COPE: variants seen among roughly 807,000 people sequenced by gnomAD.
COPE encodes the protein coatomer subunit epsilon.
In COPE, 19 loss-of-function variants were observed where a neutral mutation model predicts 42.1. The ratio of observed to expected loss-of-function variants is 0.45; its 90% CI spans 0.31 to 0.66. COPE has a LOEUF of 0.66. Among genes scored for constraint, COPE ranks in the 30% least tolerant of loss-of-function variants. COPE has a pLI of 0.05. For missense variants in COPE, 402 were observed against 416.1 expected (o/e 0.97, Z 0.30); for synonymous variants, 195 against 181.3 (o/e 1.08, Z -0.60).
intron 2 of COPE, among the ~76,000 whole-genome samples, chr19:18,911,638 A>G (rs370066451): frequency 1.6e-4 from 24 of 146,364 alleles, no homozygotes; most frequent in African/African-American, 6.1e-4. Context: ...TGCAAGCTCC[A>G]CCTCCCAGGT....
At position 18,919,229 on chromosome 19, in the gene COPE, C is replaced by A. The variant is rs1347652764; in HGVS notation, c.120G>T (p.Arg40=). Residue 40 remains arginine (R), a synonymous_variant, in exon 1 of 10, where the codon CGG becomes CGT. Coordinates refer to ENST00000262812, the MANE Select transcript of COPE (RefSeq NM_007263.4). The part of the protein sequence containing the change: ...SYQQCINEAQ[R]VKLSSPERDV... ...CGCCCCTGCGCGGCCGCACCTTCACCCGCTGCGCCTCGTTTATGCACTGCT... is the reference window on the plus strand; with the variant it reads ...CGCCCCTGCGCGGCCGCACCTTCACACGCTGCGCCTCGTTTATGCACTGCT... The A allele has an allele frequency of 6.2e-7, 1 of 1,611,866 alleles. No individual in the cohort carries two copies.
At position 18,916,743 on chromosome 19, in the gene COPE, G is replaced by A. The variant is rs183282997; in HGVS notation, c.126+2480C>T. 6.1e-4 allele frequency among the ~76,000 whole-genome samples: 92 copies of A among 151,026 alleles called. No homozygotes were observed. The East Asian group carries it at 0.012, about 20-fold the overall frequency. On this transcript the variant is annotated intron_variant, in intron 1 of 9. Coordinates refer to ENST00000262812, the MANE Select transcript of COPE (RefSeq NM_007263.4). ...GCAGAGGTTGTGGTGAGCTGAGATC[G>A]TGCCACTGCACTCCAGCCTGGGCAA...
At chr19:18,918,364 T>C (rs548063154) in intron 1 of COPE, among the ~76,000 whole-genome samples, 3 of 152,302 alleles carry the variant, frequency 2.0e-5, no homozygotes, top group African/African-American at 4.8e-5. Context: ...AGTGTTACTC[T>C]GACCCAACTC....
rs10164368 is a variant in COPE, at chr19:18,907,191, G to C, written c.291-79C>G. On this transcript the variant is annotated intron_variant, in intron 3 of 9. Coordinates refer to ENST00000262812, the MANE Select transcript of COPE (RefSeq NM_007263.4). ...CAGAGGGTCCCCTTCCTTGGAAGCA[G>C]ACAGGTCCAGAGAGGGTGAGCCAGG... 4,690 of 1,507,178 alleles carry C rather than the reference G, an allele frequency of 3.1e-3. 123 individuals are homozygous for C. The African/African-American group carries it at 0.056, about 18-fold the overall frequency. 93.4% of individuals were successfully genotyped at this position (1,507,178 alleles called of 1,614,324 possible).
chr19:18,899,756 G>C (rs113105062), intron 9 of COPE, 30 bp from the exon 10 acceptor site: 90 of 1,613,432 alleles, frequency 5.6e-5, no homozygotes, highest in African/African-American at 2.9e-4. Context: ...AACACAGGGT[G>C]GGGGCAGGGT....
At chr19:18,912,940 T>C (rs2056823470) in intron 2 of COPE, 44 bp downstream of exon 2, 2 of 1,598,966 alleles carry the variant, frequency 1.3e-6, no homozygotes, top group African/African-American at 1.3e-5. Flanking sequence ...CCCCACCCTC[T>C]ACTCTGTTCA....
At position 18,907,126 on chromosome 19, in the gene COPE, A is replaced by C; in HGVS notation, c.291-14T>G. On this transcript the variant is annotated splice_polypyrimidine_tract_variant and intron_variant, in intron 3 of 9. Transcript: ENST00000262812. ...ACGATGCTGTCCCTGCAAGACAGAG[A>C]TGCTCACGACCCACAGCTGGGGTGG... 6.2e-7 allele frequency: 1 copy of C among 1,609,248 alleles called. No individual in the cohort carries two copies.
At position 18,911,085 on chromosome 19, in the gene COPE, G is replaced by C. The variant is rs377125522; in HGVS notation, c.190-14C>G. ...ACCGAACTTCCTCTGCAGTAGGGAC[G>C]AGGCGTCAGCTGCACCCGTCCACCC... On this transcript the variant is annotated splice_polypyrimidine_tract_variant and intron_variant, in intron 2 of 9. Transcript: ENST00000262812. The C allele has an allele frequency of 2.4e-4, 393 of 1,610,340 alleles. No homozygotes were observed. Among genetic ancestry groups the C allele is most frequent in the Non-Finnish European group, 3.2e-4 (378 of 1,176,946 alleles).
rs1191559351 is a variant in COPE, at chr19:18,919,310, G to C, written c.39C>G (p.Ser13=). ...CGTCGAACAGCTCGTCTACCTCCCCGGAGCCGCCGGAGGCCGGGCCGGGGG... is the reference window on the plus strand; with the variant it reads ...CGTCGAACAGCTCGTCTACCTCCCCCGAGCCGCCGGAGGCCGGGCCGGGGG... The part of the protein sequence containing the change: ...PPAPGPASGG[S]GEVDELFDVK... Residue 13 remains serine (S), a synonymous_variant, in exon 1 of 10, where the codon TCC becomes TCG. Coordinates refer to ENST00000262812, the MANE Select transcript of COPE (RefSeq NM_007263.4). 3 of 1,613,654 alleles carry C rather than the reference G, an allele frequency of 1.9e-6. No homozygotes were observed. The highest frequency in any genetic ancestry group is 2.5e-6 in the Non-Finnish European group (3 of 1,179,970).
intron 1 of COPE, among the ~76,000 whole-genome samples, chr19:18,918,187 C>CAAAAAAAAAAAA (rs771893763): frequency 2.0e-5 from 1 of 50,188 alleles, no homozygotes; most frequent in African/African-American, 9.7e-5. Context: ...GTCTCCATCT[C>CAAAAAAAAAAAA]AAAAAAAAAA....
At chr19:18,916,774 C>T (rs1239228893) in intron 1 of COPE, among the ~76,000 whole-genome samples, 2 of 147,608 alleles carry the variant, frequency 1.4e-5, no homozygotes, top group African/African-American at 5.0e-5. Flanking sequence ...GGCAACAGGG[C>T]AAGACTCCAT....
Position 18,903,391 on chromosome 19 carries a change from G to C in COPE, c.612C>G (p.Ile204Met). ...GGEKLQDAYY[I>M]FQEMADKCSP... ...AGCACTTGTCAGCCATCTCCTGGAA[G>C]ATGTAGTAGGCATCCTGCAGCTTCT... The change falls in exon 7 of 10, where the codon ATC (isoleucine) becomes ATG (methionine). Residue 204 changes from isoleucine to methionine, a missense_variant. By Grantham distance (10) the Ile-to-Met change is conservative (BLOSUM62 1). Transcript: ENST00000262812. 1 of 1,612,906 alleles carries C rather than the reference G, an allele frequency of 6.2e-7. No homozygotes were observed. The highest frequency in any genetic ancestry group is 1.1e-5 in the South Asian group (1 of 90,958).
intron 3 of COPE, 149 bp from the exon 4 acceptor site, chr19:18,907,261 C>T (rs1441129358): frequency 1.6e-5 from 13 of 804,182 alleles, no homozygotes; most frequent in African/African-American, 7.1e-5. Context: ...CGAGCTGTCC[C>T]GACATGTCCT....
At chr19:18,905,063 T>C (rs1244389406) in intron 5 of COPE, among the ~76,000 whole-genome samples, 2 of 152,022 alleles carry the variant, frequency 1.3e-5, no homozygotes, top group Admixed American at 6.5e-5. Flanking sequence ...GGGCCAGCTA[T>C]GGCCCCCCAG....
chr19:18,909,170 T>C (rs1238424924), intron 3 of COPE, among the ~76,000 whole-genome samples: 4 of 152,232 alleles, frequency 2.6e-5, no homozygotes, highest in Admixed American at 6.5e-5. Context: ...CTGCTGCTCC[T>C]GGGGGACCCA....
chr19:18,912,271 C>CA (rs1218704732), intron 2 of COPE, among the ~76,000 whole-genome samples: 1 of 152,172 alleles, frequency 6.6e-6, no homozygotes, highest in Non-Finnish European at 1.5e-5. Flanking sequence ...CACAGCCTCC[C>CA]AATTAGCTGG....
In COPE at chr19:18,899,950, G is replaced by T; in HGVS notation, c.805-3C>A. ...TGGGACAGGTATCGGTTTGTCACCT[G>T]CAGGGGAGGCAGGGAGGCAGGTGAG... On this transcript the variant is annotated splice_region_variant and splice_polypyrimidine_tract_variant and intron_variant, in intron 8 of 9. Transcript: ENST00000262812. 2.5e-6 allele frequency: 4 copies of T among 1,611,474 alleles called. No homozygotes were observed. The highest frequency in any genetic ancestry group is 3.4e-6 in the Non-Finnish European group (4 of 1,178,900).
intron 3 of COPE, among the ~76,000 whole-genome samples, chr19:18,910,089 G>A (rs1359091260): frequency 6.6e-6 from 1 of 152,162 alleles, no homozygotes; most frequent in Non-Finnish European, 1.5e-5. Context: ...GTGGGCCAAG[G>A]AAGAGCAGGA....
intron 8 of COPE, 36 bp from the exon 9 acceptor site, chr19:18,899,983 CG>C (rs746384124): frequency 1.3e-6 from 2 of 1,592,096 alleles, no homozygotes; most frequent in Non-Finnish European, 8.6e-7. Context: ...GAGCCGAACA[CG>C]GGGACCCCAC....
Sources: allele counts gnomAD v4.1 joint callset (sites outside exome capture counted in the v4.1 genomes callset), GRCh38; gene constraint gnomAD v4.1.1; transcripts MANE v1.5; gene names NCBI Gene and HGNC (gene_info 2026-07-23, HGNC 2026-07-21).